Variants in KCNJ4 observed in about 807,000 individuals in gnomAD.
The protein encoded by KCNJ4 is potassium inwardly rectifying channel subfamily J member 4.
KCNJ4 carries 3 observed loss-of-function variants against 25.6 expected under a neutral mutation model. That is an observed-to-expected ratio of 0.12 (90% CI 0.05 to 0.30). The LOEUF is 0.30. Ranked by LOEUF, KCNJ4 falls within the 10% of genes least tolerant of loss-of-function variation. KCNJ4 has a pLI of 1.00. For missense variants in KCNJ4, 286 were observed against 666.8 expected (o/e 0.43, Z 6.29); for synonymous variants, 257 against 283.9 (o/e 0.91, Z 0.95).
chr22:38,432,546 C>A (rs2093053443), intron 1 of KCNJ4, among the ~76,000 whole-genome samples: 1 of 152,130 alleles, frequency 6.6e-6, no homozygotes, highest in African/African-American at 2.4e-5. Flanking sequence ...AATTAAGGGA[C>A]TACTCATCCT....
In KCNJ4 at chr22:38,434,317, T is replaced by G. The variant is rs146784983; in HGVS notation, c.-39-6146A>C. On this transcript the variant is annotated intron_variant, in intron 1 of 1. Coordinates refer to ENST00000303592, the MANE Select transcript of KCNJ4 (RefSeq NM_152868.3). The stretch of plus-strand genomic sequence containing the variant: ...CAGCCTTGGGGATCCGAGGAACCAG[T>G]CATCCTCTCTCTCCAGCCCCTCTCA... Among the ~76,000 whole-genome samples, 330 of 152,284 alleles carry G rather than the reference T, an allele frequency of 2.2e-3. 3 individuals are homozygous for G. Among genetic ancestry groups the G allele is most frequent in the African/African-American group, 7.8e-3 (324 of 41,566 alleles).
Position 38,427,233 on chromosome 22 carries a change from G to A in KCNJ4, c.900C>T (p.Thr300=). Residue 300 remains threonine (T), a synonymous_variant, in exon 2 of 2, where the codon ACC becomes ACT. Transcript: ENST00000303592. The part of the protein sequence containing the change: ...LEGMVEATAM[T]TQARSSYLAS... ...CCAGGTAGGAGCTGCGGGCCTGGGT[G>A]GTCATGGCCGTGGCCTCCACCATGC... 1 of 1,613,532 alleles carries A rather than the reference G, an allele frequency of 6.2e-7. No homozygotes were observed. Among genetic ancestry groups the A allele is most frequent in the Non-Finnish European group, 8.5e-7 (1 of 1,180,016 alleles).
At chr22:38,430,457 C>T (rs1322735176) in intron 1 of KCNJ4, among the ~76,000 whole-genome samples, 3 of 152,112 alleles carry the variant, frequency 2.0e-5, no homozygotes, top group Non-Finnish European at 1.5e-5. Flanking sequence ...GAGCCGAGAT[C>T]GTGCCACTGC....
At chr22:38,440,098 A>C (rs1299439664) in intron 1 of KCNJ4, among the ~76,000 whole-genome samples, 1 of 134,896 alleles carries the variant, frequency 7.4e-6, no homozygotes, top group African/African-American at 2.8e-5. Flanking sequence ...ACTTCGTCTC[A>C]AAAAAAAAAA....
chr22:38,448,496 A>G (rs867335707), intron 1 of KCNJ4, among the ~76,000 whole-genome samples: 4 of 152,058 alleles, frequency 2.6e-5, no homozygotes, highest in Admixed American at 6.5e-5. Flanking sequence ...CACCCTTCCT[A>G]CTGCTGTGAC....
At chr22:38,454,168 G>T (rs905310500) in intron 1 of KCNJ4, among the ~76,000 whole-genome samples, 1 of 152,034 alleles carries the variant, frequency 6.6e-6, no homozygotes, top group African/African-American at 2.4e-5. Flanking sequence ...TGCTCTTGAG[G>T]CCCTGCTCTG....
intron 1 of KCNJ4, among the ~76,000 whole-genome samples, chr22:38,434,321 C>T (rs2093059180): frequency 6.6e-6 from 1 of 152,164 alleles, no homozygotes; most frequent in South Asian, 2.1e-4. Context: ...AACCAGTCAT[C>T]CTCTCTCTCC....
intron 1 of KCNJ4, among the ~76,000 whole-genome samples, chr22:38,447,074 T>G (rs1345515859): frequency 6.6e-6 from 1 of 152,040 alleles, no homozygotes; most frequent in African/African-American, 2.4e-5. Flanking sequence ...GAGCTGGACA[T>G]GAACCCAGAT....
At chr22:38,448,407 T>C (rs2089390242) in intron 1 of KCNJ4, among the ~76,000 whole-genome samples, 1 of 152,136 alleles carries the variant, frequency 6.6e-6, no homozygotes, top group South Asian at 2.1e-4. Context: ...GGCCCCCAGA[T>C]GGACAGTGGC....
At chr22:38,442,415 C>T (rs993525477) in intron 1 of KCNJ4, among the ~76,000 whole-genome samples, 27 of 151,824 alleles carry the variant, frequency 1.8e-4, no homozygotes, top group Admixed American at 6.6e-4. Context: ...GGCGTGGTGG[C>T]GGGCACCTGT....
At chr22:38,448,516 C>T (rs2089391086) in intron 1 of KCNJ4, among the ~76,000 whole-genome samples, 1 of 152,182 alleles carries the variant, frequency 6.6e-6, no homozygotes, top group Non-Finnish European at 1.5e-5. Context: ...CCAGGGAGTG[C>T]TGCCCTTCCC....
intron 1 of KCNJ4, among the ~76,000 whole-genome samples, chr22:38,440,961 G>A (rs560352366): frequency 6.6e-6 from 1 of 152,334 alleles, no homozygotes; most frequent in East Asian, 1.9e-4. Flanking sequence ...AGAGCTGGGT[G>A]CATGAGATGG....
chr22:38,448,999 G>A (rs918519013), intron 1 of KCNJ4, among the ~76,000 whole-genome samples: 9 of 151,314 alleles, frequency 5.9e-5, no homozygotes, highest in African/African-American at 1.2e-4. Flanking sequence ...TGCTGGGGTC[G>A]GGAACACCAA....
chr22:38,447,219 C>T (rs566454260), intron 1 of KCNJ4, among the ~76,000 whole-genome samples: 2 of 152,188 alleles, frequency 1.3e-5, no homozygotes, highest in Admixed American at 1.3e-4. Context: ...GAGGGCAGGG[C>T]GAAGGAAAGA....
chr22:38,454,169 C>G (rs1484378311), intron 1 of KCNJ4, among the ~76,000 whole-genome samples: 1 of 152,182 alleles, frequency 6.6e-6, no homozygotes, highest in Non-Finnish European at 1.5e-5. Context: ...GCTCTTGAGG[C>G]CCTGCTCTGT....
rs532356019 is a variant in KCNJ4, at chr22:38,439,868, A to G, written c.-39-11697T>C. Among the ~76,000 whole-genome samples, 4 of 149,892 alleles carry G rather than the reference A, an allele frequency of 2.7e-5. No individual in the cohort carries two copies. The East Asian group carries it at 5.9e-4, about 22-fold the overall frequency. Reference sequence around the variant, plus strand: ...CACTTTGGGAGGCCAAGGCAGGCAGATCACGAGGTCAGGAGATTGAGACCA... The same window carrying G: ...CACTTTGGGAGGCCAAGGCAGGCAGGTCACGAGGTCAGGAGATTGAGACCA... On this transcript the variant is annotated intron_variant, in intron 1 of 1. Coordinates refer to ENST00000303592, the MANE Select transcript of KCNJ4 (RefSeq NM_152868.3).
chr22:38,442,940 C>T (rs1258893731), intron 1 of KCNJ4, among the ~76,000 whole-genome samples: 1 of 152,082 alleles, frequency 6.6e-6, no homozygotes, highest in Non-Finnish European at 1.5e-5. Context: ...ACAGGGCCTC[C>T]CTATGTTACC....
chr22:38,452,905 C>T (rs530697253), intron 1 of KCNJ4, among the ~76,000 whole-genome samples: 45 of 151,250 alleles, frequency 3.0e-4, no homozygotes, highest in Admixed American at 1.1e-3. Flanking sequence ...TGCTCCAGCT[C>T]TGTTTCCCAC....
In KCNJ4 at chr22:38,440,310, C is replaced by T. The variant is rs151122370; in HGVS notation, c.-39-12139G>A. ...TAATCCCAGCACTTTGAGAGGCTGA[C>T]GTGGGCAAATCACCTGAGGTCAGGA... On this transcript the variant is annotated intron_variant, in intron 1 of 1. Transcript: ENST00000303592. Among the ~76,000 whole-genome samples, 45 of 152,128 alleles carry T rather than the reference C, an allele frequency of 3.0e-4. 1 individual carries two copies. Among genetic ancestry groups the T allele is most frequent in the African/African-American group, 1.0e-3 (42 of 41,512 alleles).
Sources: gnomAD v4.1 joint callset for allele counts (sites outside exome capture counted in the v4.1 genomes callset) on GRCh38, gnomAD v4.1.1 for gene constraint, MANE v1.5 for transcripts, NCBI Gene and HGNC (gene_info 2026-07-23, HGNC 2026-07-21) for gene names.